The following SULT1B1 variants were observed in gnomAD, a reference collection of about 807,000 sequenced individuals.
The protein encoded by SULT1B1 is sulfotransferase 1B1.
A neutral mutation model predicts 34.6 loss-of-function variants in SULT1B1; 28 were observed. That is an observed-to-expected ratio of 0.81 (90% CI 0.60 to 1.11). The LOEUF (loss-of-function observed/expected upper bound fraction) is 1.11, where lower values mean the gene tolerates loss of function less well. Ranked by LOEUF, SULT1B1 falls within the 50% of genes least tolerant of loss-of-function variation. SULT1B1 has a pLI of 0.00. For synonymous variants in SULT1B1, 147 were observed against 110.2 expected, an observed-to-expected ratio of 1.33 and a Z score of -2.09; for missense variants, 374 against 352.2, an observed-to-expected ratio of 1.06 and a Z score of -0.50.
intron 1 of SULT1B1, 57 bp downstream of exon 1, chr4:69,760,402 A>G (rs1328642898): frequency 5.9e-6 from 1 of 169,848 alleles, no homozygotes. Flanking sequence ...GAGGCACACA[A>G]TATTCTGCGG....
intron 3 of SULT1B1, among the ~76,000 whole-genome samples, chr4:69,750,665 T>C (rs1718944355): frequency 6.6e-6 from 1 of 152,234 alleles, no homozygotes; most frequent in Non-Finnish European, 1.5e-5. Flanking sequence ...TAAGAAGTCA[T>C]TCAGCCTATT....
chr4:69,731,655 T>C (rs1718085062), intron 6 of SULT1B1, among the ~76,000 whole-genome samples: 1 of 152,238 alleles, frequency 6.6e-6, no homozygotes, highest in Non-Finnish European at 1.5e-5. Context: ...GTTGTTGCAT[T>C]AAACTTCTCT....
chr4:69,733,999 G>C (rs1718191168), intron 5 of SULT1B1, 139 bp downstream of exon 5: 1 of 701,126 alleles, frequency 1.4e-6, no homozygotes, highest in Admixed American at 3.8e-5. Context: ...AGATGCATTA[G>C]ATTTAGTTTT....
chr4:69,746,980 C>T (rs1223976998), intron 4 of SULT1B1, among the ~76,000 whole-genome samples: 2 of 152,162 alleles, frequency 1.3e-5, no homozygotes, highest in African/African-American at 4.8e-5. Context: ...CTTAATTCAG[C>T]ACTCCAGGGC....
At chr4:69,757,575 T>C (rs1719238943) in intron 1 of SULT1B1, among the ~76,000 whole-genome samples, 5 of 149,848 alleles carry the variant, frequency 3.3e-5, no homozygotes, top group Admixed American at 3.3e-4. Flanking sequence ...CCACCATCAC[T>C]ACCCCCATCT....
At chr4:69,730,438 C>T in intron 7 of SULT1B1, 63 bp downstream of exon 7, 2 of 1,457,802 alleles carry the variant, frequency 1.4e-6, no homozygotes, top group South Asian at 2.6e-5. Context: ...CAGAACTAAT[C>T]CTTAGCTCAT....
At chr4:69,733,372 G>T in intron 6 of SULT1B1, 41 bp downstream of exon 6, 2 of 1,396,088 alleles carry the variant, frequency 1.4e-6, no homozygotes, top group Non-Finnish European at 2.0e-6. Flanking sequence ...ACAGCATGAT[G>T]CAGTGGGGAA....
chr4:69,730,750 A>G (rs1269976782), intron 6 of SULT1B1, 69 bp from the exon 7 acceptor site: 2 of 1,413,746 alleles, frequency 1.4e-6, no homozygotes, highest in Non-Finnish European at 1.9e-6. Context: ...TAAAACATTT[A>G]TAATCCGTTT....
At chr4:69,739,161 A>G (rs942252690) in intron 4 of SULT1B1, among the ~76,000 whole-genome samples, 2 of 152,114 alleles carry the variant, frequency 1.3e-5, no homozygotes, top group African/African-American at 4.8e-5. Flanking sequence ...CCACTATTCT[A>G]GGGTCTGGGG....
intron 5 of SULT1B1, 112 bp downstream of exon 5, chr4:69,734,026 C>G: frequency 2.2e-6 from 2 of 924,844 alleles, no homozygotes; most frequent in South Asian, 5.2e-5. Context: ...AATATTTGAA[C>G]ATACTTTTCA....
intron 4 of SULT1B1, among the ~76,000 whole-genome samples, chr4:69,741,673 C>A (rs190026631): frequency 6.6e-6 from 1 of 152,154 alleles, no homozygotes; most frequent in Non-Finnish European, 1.5e-5. Flanking sequence ...TTTGATTTGG[C>A]TCTCAAGTTG....
At chr4:69,754,864 T>G in intron 2 of SULT1B1, 66 bp from the exon 3 acceptor site, 1 of 1,536,320 alleles carries the variant, frequency 6.5e-7, no homozygotes, top group Non-Finnish European at 8.9e-7. Context: ...GAAGAATTTA[T>G]TGGAAACACT....
At chr4:69,756,525 C>T (rs968806402) in intron 1 of SULT1B1, among the ~76,000 whole-genome samples, 4 of 152,112 alleles carry the variant, frequency 2.6e-5, no homozygotes, top group Admixed American at 6.6e-5. Context: ...CTGAGTAGAA[C>T]AAAAAGGGTG....
At chr4:69,738,619 T>C (rs1718410911) in intron 4 of SULT1B1, among the ~76,000 whole-genome samples, 1 of 152,066 alleles carries the variant, frequency 6.6e-6, no homozygotes, top group South Asian at 2.1e-4. Context: ...GAGATTTGGG[T>C]AGGAACACAG....
chr4:69,731,211 C>T (rs1718068817), intron 6 of SULT1B1, among the ~76,000 whole-genome samples: 1 of 152,184 alleles, frequency 6.6e-6, no homozygotes, highest in Admixed American at 6.5e-5. Flanking sequence ...AGCACTACTG[C>T]CTGAGCTCTG....
intron 7 of SULT1B1, 143 bp from the exon 8 acceptor site, chr4:69,727,343 A>G (rs1008332202): frequency 2.0e-5 from 10 of 505,792 alleles, no homozygotes; most frequent in Middle Eastern, 5.4e-4. Context: ...AAATTGTATT[A>G]ACCTTTAAAT....
chr4:69,728,901 C>T (rs1472092007), intron 7 of SULT1B1, among the ~76,000 whole-genome samples: 1 of 151,954 alleles, frequency 6.6e-6, no homozygotes, highest in African/African-American at 2.4e-5. Context: ...TCAGATCAAT[C>T]TGACCACAAA....
chr4:69,749,955 T>A lies in SULT1B1; in HGVS notation c.278-137A>T, dbSNP rs1464594571. The stretch of plus-strand genomic sequence containing the variant: ...AAATTCTGAAACAATCACAGGCATT[T>A]CACCACATTACTAGAGTCAGTATTG... On this transcript the variant is annotated intron_variant, in intron 3 of 7. Coordinates refer to ENST00000310613, the MANE Select transcript of SULT1B1 (RefSeq NM_014465.4). The A allele has an allele frequency of 1.1e-5, 7 of 626,302 alleles. No homozygotes were observed. The African/African-American group carries it at 1.3e-4, about 11-fold the overall frequency. The allele number at this position is 626,302 out of a possible 1,614,324, so 38.8% of individuals were successfully genotyped here.
At chr4:69,746,309 T>C (rs867212357) in intron 4 of SULT1B1, among the ~76,000 whole-genome samples, 7 of 152,344 alleles carry the variant, frequency 4.6e-5, no homozygotes, top group Middle Eastern at 3.4e-3. Flanking sequence ...TTTTCCAAGT[T>C]AATTGCCTCT....
Sources: gnomAD v4.1 joint callset for allele counts (sites outside exome capture counted in the v4.1 genomes callset) on GRCh38, gnomAD v4.1.1 for gene constraint, MANE v1.5 for transcripts, NCBI Gene and HGNC (gene_info 2026-07-23, HGNC 2026-07-21) for gene names.